The following PRUNE2 variants were observed in gnomAD, a reference collection of about 807,000 sequenced individuals.
PRUNE2 encodes the protein prune homolog 2 with BCH domain.
A neutral mutation model predicts 252.0 loss-of-function variants in PRUNE2; 164 were observed. That is an observed-to-expected ratio of 0.65 (90% CI 0.57 to 0.74). The LOEUF is 0.74. Ranked by LOEUF, PRUNE2 falls within the 30% of genes least tolerant of loss-of-function variation. The probability of loss-of-function intolerance (pLI) is 0.00; values close to 1 mark genes in which losing one functional copy is unlikely to be tolerated. For synonymous variants in PRUNE2, 1,292 were observed against 1,350.2 expected, an observed-to-expected ratio of 0.96 and a Z score of 0.94; for missense variants, 3,495 against 3,711.0, an observed-to-expected ratio of 0.94 and a Z score of 1.51.
At chr9:76,643,428 T>C (rs554929478) in intron 12 of PRUNE2, among the ~76,000 whole-genome samples, 1 of 152,186 alleles carries the variant, frequency 6.6e-6, no homozygotes, top group Non-Finnish European at 1.5e-5. Flanking sequence ...TGATGGGTGG[T>C]GCAAAGGAGA....
chr9:76,846,191 T>G (rs1021442145), intron 4 of PRUNE2, among the ~76,000 whole-genome samples: 1 of 152,166 alleles, frequency 6.6e-6, no homozygotes, highest in African/African-American at 2.4e-5. Flanking sequence ...CATGCTGTCT[T>G]GGGGCAAGAA....
chr9:76,791,050 C>A (rs189325247), intron 6 of PRUNE2, among the ~76,000 whole-genome samples: 1 of 152,244 alleles, frequency 6.6e-6, no homozygotes, highest in African/African-American at 2.4e-5. Context: ...CAGCAGAGAG[C>A]AGAACAGTGA....
At chr9:76,616,104 G>C (rs72730645) in intron 18 of PRUNE2, among the ~76,000 whole-genome samples, 1 of 151,842 alleles carries the variant, frequency 6.6e-6, no homozygotes, top group Non-Finnish European at 1.5e-5. Flanking sequence ...ATAGCTCTTC[G>C]CTTTATTACC....
At chr9:76,832,738 T>G (rs1441970650) in intron 4 of PRUNE2, among the ~76,000 whole-genome samples, 1 of 151,502 alleles carries the variant, frequency 6.6e-6, no homozygotes, top group Admixed American at 6.6e-5. Flanking sequence ...AAGAAATCAA[T>G]AAAACAAAAC....
At position 76,795,311 on chromosome 9, in the gene PRUNE2, A is replaced by G. The variant is rs550964536; in HGVS notation, c.756+28321T>C. On this transcript the variant is annotated intron_variant, in intron 6 of 18. Coordinates refer to ENST00000376718, the MANE Select transcript of PRUNE2 (RefSeq NM_015225.3). Reference sequence around the variant, plus strand: ...TTCAAAGACATCACACCGTCAAAACACCATAACTATGGTCACCAAACTGCG... The same window carrying G: ...TTCAAAGACATCACACCGTCAAAACGCCATAACTATGGTCACCAAACTGCG... Among the ~76,000 whole-genome samples, 5 of 152,246 alleles carry G rather than the reference A, an allele frequency of 3.3e-5. No individual in the cohort carries two copies. The South Asian group carries it at 1.0e-3, about 32-fold the overall frequency.
intron 9 of PRUNE2, among the ~76,000 whole-genome samples, chr9:76,682,913 A>C (rs868433125): frequency 5.3e-5 from 8 of 152,304 alleles, no homozygotes; most frequent in Middle Eastern, 3.4e-3. Flanking sequence ...TCTGGCAAAA[A>C]CTAGGGCTTA....
At position 76,842,612 on chromosome 9, in the gene PRUNE2, A is replaced by G. The variant is rs1240766712; in HGVS notation, c.508+3903T>C. On this transcript the variant is annotated intron_variant, in intron 4 of 18. Coordinates refer to ENST00000376718, the MANE Select transcript of PRUNE2 (RefSeq NM_015225.3). ...GACAAAGGGCTAATATCCAGAATCT[A>G]CAAGGAACTTAAACAAATTTACAAG... Among the ~76,000 whole-genome samples, 6 of 152,230 alleles carry G rather than the reference A, an allele frequency of 3.9e-5. No individual in the cohort carries two copies. In the East Asian group the frequency reaches 1.2e-3, roughly 29 times the overall value.
At chr9:76,883,126 GATCCCC>G (rs2133330723) in intron 1 of PRUNE2, among the ~76,000 whole-genome samples, 1 of 152,116 alleles carries the variant, frequency 6.6e-6, no homozygotes. Context: ...CCTGGCCATA[GATCCCC>G]TGTATTATTT....
chr9:76,820,959 T>C (rs1001803792), intron 6 of PRUNE2, among the ~76,000 whole-genome samples: 1 of 152,206 alleles, frequency 6.6e-6, no homozygotes, highest in Non-Finnish European at 1.5e-5. Flanking sequence ...GCATCTACTA[T>C]GTGCCATCAC....
At chr9:76,714,180 C>T (rs1300366831) in intron 6 of PRUNE2, among the ~76,000 whole-genome samples, 3 of 151,514 alleles carry the variant, frequency 2.0e-5, no homozygotes, top group African/African-American at 7.3e-5. Context: ...TACGAATCAA[C>T]ATAGCTGAGT....
chr9:76,722,183 T>C (rs56679509), intron 6 of PRUNE2, among the ~76,000 whole-genome samples: 4,024 of 151,836 alleles, frequency 0.027, 157 homozygotes, highest in African/African-American at 0.09. Flanking sequence ...CTCAGTCTCC[T>C]GAGTAGCTGG....
At chr9:76,728,469 G>A (rs1345061213) in intron 6 of PRUNE2, among the ~76,000 whole-genome samples, 1 of 152,182 alleles carries the variant, frequency 6.6e-6, no homozygotes, top group Non-Finnish European at 1.5e-5. Context: ...TTAATGTGCA[G>A]GTAGGGTGGA....
intron 1 of PRUNE2, chr9:76,869,098 C>T (rs1353313476): frequency 2.6e-5 from 4 of 152,216 alleles, no homozygotes; most frequent in African/African-American, 9.6e-5. Context: ...AGAAGCTTTG[C>T]TTTTCTGCAG....
intron 6 of PRUNE2, among the ~76,000 whole-genome samples, chr9:76,754,649 A>C (rs1820162485): frequency 6.6e-6 from 1 of 152,152 alleles, no homozygotes; most frequent in Non-Finnish European, 1.5e-5. Flanking sequence ...CCATCACCTT[A>C]GCTCTTAAAA....
Position 76,708,412 on chromosome 9 carries a change from T to C in PRUNE2, c.3862A>G (p.Thr1288Ala), listed in dbSNP as rs1332078131. 1.9e-6 allele frequency: 3 copies of C among 1,613,884 alleles called. No individual in the cohort carries two copies. The highest frequency in any genetic ancestry group is 1.7e-6 in the Non-Finnish European group (2 of 1,179,888). The change falls in exon 8 of 19, where the codon ACA becomes GCA. Residue 1288 changes from threonine (T) to alanine (A), a missense_variant. Physicochemically the swap from Thr to Ala is moderately conservative, Grantham distance 58. Transcript: ENST00000376718. ...TCACTTTGCAGGGTTTCCCTCTCTG[T>C]GTCCTGCTTGTCAAGATGAGATATA... ...ALISHLDKQD[T>A]ERETLQSDAA... is the part of the protein sequence containing the mutation.
At chr9:76,702,988 A>C (rs2046014051) in intron 9 of PRUNE2, among the ~76,000 whole-genome samples, 1 of 152,164 alleles carries the variant, frequency 6.6e-6, no homozygotes, top group Non-Finnish European at 1.5e-5. Context: ...AATGTATGCA[A>C]ACTGCCTTGC....
At chr9:76,779,219 T>TG (rs2054114838) in intron 6 of PRUNE2, among the ~76,000 whole-genome samples, 1 of 147,844 alleles carries the variant, frequency 6.8e-6, no homozygotes, top group African/African-American at 2.6e-5. Context: ...ATGGACAAAG[T>TG]GAAAAACTTA....
chr9:76,849,484 C>T (rs964993960), intron 3 of PRUNE2, among the ~76,000 whole-genome samples: 6 of 152,096 alleles, frequency 3.9e-5, no homozygotes, highest in African/African-American at 1.2e-4. Context: ...GGCATCAATA[C>T]ATAAGACTAT....
intron 1 of PRUNE2, among the ~76,000 whole-genome samples, chr9:76,897,391 T>TA (rs1491380248): frequency 1.8e-4 from 2 of 11,384 alleles, no homozygotes. Context: ...GGCAAACCTC[T>TA]TTTTTTTTTT....
Sources: allele counts gnomAD v4.1 joint callset (sites outside exome capture counted in the v4.1 genomes callset), GRCh38; gene constraint gnomAD v4.1.1; transcripts MANE v1.5; gene names NCBI Gene and HGNC (gene_info 2026-07-23, HGNC 2026-07-21).